Variants in TYW5 observed in about 807,000 individuals in gnomAD.
The protein encoded by TYW5 is tRNA-yW synthesizing protein 5.
A neutral mutation model predicts 44.4 loss-of-function variants in TYW5; 36 were observed. That is an observed-to-expected ratio of 0.81 (90% CI 0.62 to 1.07). The LOEUF (loss-of-function observed/expected upper bound fraction) is 1.07. Among genes scored for constraint, TYW5 ranks in the 50% least tolerant of loss-of-function variants. TYW5 has a pLI of 0.00. For synonymous variants in TYW5, 121 were observed against 128.1 expected, an observed-to-expected ratio of 0.94 and a Z score of 0.37; for missense variants, 354 against 365.7, an observed-to-expected ratio of 0.97 and a Z score of 0.26.
At chr2:199,937,716 TA>T (rs2077431997) in intron 5 of TYW5, among the ~76,000 whole-genome samples, 1 of 152,116 alleles carries the variant, frequency 6.6e-6, no homozygotes, top group African/African-American at 2.4e-5. Flanking sequence ...AGAATATAGT[TA>T]AAATGTATTA....
chr2:199,933,233 G>C lies in TYW5; in HGVS notation c.782C>G (p.Thr261Arg). The change falls in exon 8 of 8, where the codon ACA (threonine) becomes AGA (arginine). Residue 261 changes from threonine (T) to arginine (R), a missense_variant. Coordinates refer to ENST00000354611, the MANE Select transcript of TYW5 (RefSeq NM_001039693.3). ...KHLPSECYDK[T>R]DTYGNKDPTA... ...AGGATCTTTGTTTCCATAGGTATCT[G>C]TTTTATCATAGCATTCAGATGGAAG... 6.2e-7 allele frequency: 1 copy of C among 1,614,008 alleles called. No homozygotes were observed.
At chr2:199,942,608 A>G (rs1007382577) in intron 3 of TYW5, 8 of 152,202 alleles carry the variant, frequency 5.3e-5, no homozygotes, top group African/African-American at 1.9e-4. Flanking sequence ...AAAGTTATAA[A>G]ACAGTTCTCA....
chr2:199,941,075 T>C (rs963133085), intron 3 of TYW5, among the ~76,000 whole-genome samples: 2 of 152,214 alleles, frequency 1.3e-5, no homozygotes, highest in East Asian at 3.8e-4. Flanking sequence ...AATTAATTGT[T>C]TTGAGACAGG....
At chr2:199,949,430 C>G (rs1033695923) in intron 1 of TYW5, among the ~76,000 whole-genome samples, 1 of 152,116 alleles carries the variant, frequency 6.6e-6, no homozygotes, top group African/African-American at 2.4e-5. Flanking sequence ...AGTCCATACT[C>G]AAATTTTGCT....
intron 3 of TYW5, chr2:199,942,531 C>G (rs2077473720): frequency 6.6e-6 from 1 of 152,060 alleles, no homozygotes. Context: ...AAATATATAC[C>G]ACTGATTACC....
chr2:199,934,235 C>CT (rs1296675102), intron 7 of TYW5, among the ~76,000 whole-genome samples: 2 of 151,790 alleles, frequency 1.3e-5, no homozygotes, highest in Non-Finnish European at 1.5e-5. Context: ...CTTTCAGAAT[C>CT]TTTTTTTTCC....
Position 199,932,994 on chromosome 2 carries a change from T to G in TYW5, c.*73A>C, listed in dbSNP as rs1466427035. The G allele has an allele frequency of 6.6e-7, 1 of 1,523,528 alleles. No homozygotes were observed. The highest frequency in any genetic ancestry group is 1.4e-5 in the African/African-American group (1 of 71,974). The allele number at this position is 1,523,528 out of a possible 1,614,324, so 94.4% of individuals were successfully genotyped here. A position where few individuals can be genotyped will look rare whatever the true frequency, so the allele number is the denominator to read the frequency against. On this transcript the variant is annotated 3_prime_UTR_variant, in exon 8 of 8. Transcript: ENST00000354611. Reference sequence around the variant, plus strand: ...CTGTAAATCTGATGTATCTTTCCTATTTTAACAAAATCTTTAATTTATATC... The same window carrying G: ...CTGTAAATCTGATGTATCTTTCCTAGTTTAACAAAATCTTTAATTTATATC...
At chr2:199,935,400 T>C (rs1268473870) in intron 7 of TYW5, among the ~76,000 whole-genome samples, 3 of 151,890 alleles carry the variant, frequency 2.0e-5, no homozygotes, top group Non-Finnish European at 4.4e-5. Flanking sequence ...CATGATGCCA[T>C]GGCATCAACC....
intron 7 of TYW5, 35 bp downstream of exon 7, chr2:199,935,896 A>G (rs1382070698): frequency 7.3e-7 from 1 of 1,376,482 alleles, no homozygotes; most frequent in Non-Finnish European, 1.0e-6. Flanking sequence ...TACACATTTT[A>G]TAAATAGCAC....
At chr2:199,949,772 G>A (rs896614981) in intron 1 of TYW5, among the ~76,000 whole-genome samples, 1 of 152,134 alleles carries the variant, frequency 6.6e-6, no homozygotes, top group Non-Finnish European at 1.5e-5. Flanking sequence ...AAAAAACAGT[G>A]ATTTTTCTAA....
rs918436546 is a variant in TYW5, at chr2:199,948,152, T to C, written c.233+166A>G. 1.4e-5 allele frequency: 9 copies of C among 646,986 alleles called. No individual in the cohort carries two copies. The Admixed American group carries it at 2.1e-4, about 15-fold the overall frequency. 40.1% of individuals were successfully genotyped at this position (646,986 alleles called of 1,614,324 possible). ...GTATAATTATGTAAACTCAGAACTC[T>C]TGTCTTTTAAAAACCACTCTTTAAA... On this transcript the variant is annotated intron_variant, in intron 2 of 7. Coordinates refer to ENST00000354611, the MANE Select transcript of TYW5 (RefSeq NM_001039693.3).
chr2:199,943,671 C>T, intron 3 of TYW5, 94 bp downstream of exon 3: 1 of 934,854 alleles, frequency 1.1e-6, no homozygotes, highest in East Asian at 2.6e-5. Flanking sequence ...TCAGAGACGG[C>T]TGTTGCTCTT....
At position 199,933,175 on chromosome 2, in the gene TYW5, G is replaced by C. The variant is rs771285820; in HGVS notation, c.840C>G (p.Asp280Glu). 3.2e-5 allele frequency: 51 copies of C among 1,613,992 alleles called. No homozygotes were observed. The highest frequency in any genetic ancestry group is 3.9e-5 in the Non-Finnish European group (46 of 1,180,022). ...TAASRAAQIL[D>E]RALKTLAELP... ...ACTCGGCCAGTGTTTTCAAGGCTCT[G>C]TCCAGAATTTGTGCAGCTCTTGATG... The change falls in exon 8 of 8, where the codon GAC (aspartate) becomes GAG (glutamate). Residue 280 changes from aspartate to glutamate, a missense_variant. Transcript: ENST00000354611.
intron 2 of TYW5, chr2:199,946,467 T>C (rs2077504561): frequency 6.6e-6 from 1 of 152,144 alleles, no homozygotes; most frequent in Non-Finnish European, 1.5e-5. Context: ...AAACCTTACA[T>C]GATGAGACTT....
chr2:199,940,137 A>G lies in TYW5; in HGVS notation c.304-4T>C, dbSNP rs759312158. The stretch of plus-strand genomic sequence containing the variant: ...ACCGTAAGTAGTATTTCTCATCCTT[A>G]AACACCCCAGAGAAAAATAACATCA... On this transcript the variant is annotated splice_polypyrimidine_tract_variant and splice_region_variant and intron_variant, in intron 3 of 7. Coordinates refer to ENST00000354611, the MANE Select transcript of TYW5 (RefSeq NM_001039693.3). 1.9e-6 allele frequency: 3 copies of G among 1,612,462 alleles called. No homozygotes were observed. The African/African-American group carries it at 4.0e-5, about 22-fold the overall frequency.
At chr2:199,946,465 CATG>C (rs2077504543) in intron 2 of TYW5, 2 of 152,164 alleles carry the variant, frequency 1.3e-5, no homozygotes, top group Admixed American at 6.5e-5. Flanking sequence ...GCAAACCTTA[CATG>C]ATGAGACTTT....
In TYW5 at chr2:199,940,111, G is replaced by T. The variant is rs1428109215; in HGVS notation, c.326C>A (p.Ser109Ter). 4.5e-5 allele frequency: 72 copies of T among 1,612,426 alleles called. No individual in the cohort carries two copies. Among genetic ancestry groups the T allele is most frequent in the Non-Finnish European group, 5.9e-5 (70 of 1,179,374 alleles). The change falls in exon 4 of 8, where the codon TCA becomes TAA. Residue 109 changes from serine to a stop codon, truncating the protein, a stop_gained. Coordinates refer to ENST00000354611, the MANE Select transcript of TYW5 (RefSeq NM_001039693.3). LOFTEE classifies it high-confidence loss of function. ...TACCTTTCTAGGGTCTTCTCCAAGT[G>T]ACCGTAAGTAGTATTTCTCATCCTT... is the stretch of plus-strand genomic sequence containing the variant. The part of the protein sequence containing the change: ...VSEDEKYYLR[S>*]LGEDPRKDVA...
chr2:199,942,038 T>C (rs1486135293), intron 3 of TYW5: 1 of 152,590 alleles, frequency 6.6e-6, no homozygotes, highest in African/African-American at 2.4e-5. Context: ...TTCTCCTATT[T>C]AACAAGACTT....
At chr2:199,955,109 A>T (rs1317824802) in intron 1 of TYW5, among the ~76,000 whole-genome samples, 2 of 152,188 alleles carry the variant, frequency 1.3e-5, no homozygotes, top group African/African-American at 4.8e-5. Context: ...GCAGACTGAC[A>T]GATGCGGAGT....
Sources: allele counts gnomAD v4.1 joint callset (sites outside exome capture counted in the v4.1 genomes callset), GRCh38; gene constraint gnomAD v4.1.1; transcripts MANE v1.5; gene names NCBI Gene and HGNC (gene_info 2026-07-23, HGNC 2026-07-21).